The following FAM120B variants were observed in gnomAD, a reference collection of about 807,000 sequenced individuals.
FAM120B encodes family with sequence similarity 120 member B.
FAM120B carries 83 observed loss-of-function variants against 96.3 expected under a neutral mutation model. The observed-to-expected ratio is 0.86, with a 90% CI of 0.72 to 1.03. The LOEUF (loss-of-function observed/expected upper bound fraction) is 1.03, where lower values mean the gene tolerates loss of function less well. FAM120B is among the 50% of genes least tolerant of loss of function. The pLI, the probability that FAM120B is intolerant of heterozygous loss-of-function variation, is 0.00. For missense variants in FAM120B, 1,027 were observed against 1,121.2 expected (o/e 0.92, Z 1.20); for synonymous variants, 407 against 402.7 (o/e 1.01, Z -0.13).
intron 3 of FAM120B, among the ~76,000 whole-genome samples, chr6:170,328,471 AT>A (rs1476966265): frequency 6.6e-6 from 1 of 151,910 alleles, no homozygotes; most frequent in African/African-American, 2.4e-5. Context: ...GTCGTTCTGT[AT>A]TTTCTCCTGG....
At chr6:170,398,618 C>CTATGTCATAACTCTTA (rs1304537771) in intron 9 of FAM120B, among the ~76,000 whole-genome samples, 3 of 33,020 alleles carry the variant, frequency 9.1e-5, no homozygotes, top group African/African-American at 3.3e-4. Flanking sequence ...CTTAACTCTT[C>CTATGTCATAACTCTTA]GGAGTGAGTG....
upstream of FAM120B, among the ~76,000 whole-genome samples, chr6:170,302,961 G>C (rs1407849781): frequency 6.6e-6 from 1 of 152,182 alleles, no homozygotes; most frequent in African/African-American, 2.4e-5. Context: ...GTAGTGTACT[G>C]TAGTCATAAC....
chr6:170,393,549 G>A (rs1252299989), intron 8 of FAM120B, among the ~76,000 whole-genome samples: 2 of 152,150 alleles, frequency 1.3e-5, no homozygotes, highest in Non-Finnish European at 2.9e-5. Flanking sequence ...TTCCATTAAT[G>A]AGGCGAACTA....
At chr6:170,401,622 A>G (rs1222505162) in intron 9 of FAM120B, among the ~76,000 whole-genome samples, 2 of 152,200 alleles carry the variant, frequency 1.3e-5, no homozygotes, top group Non-Finnish European at 2.9e-5. Context: ...TGCCTGTAAT[A>G]GTATAAGCTA....
intron 2 of FAM120B, among the ~76,000 whole-genome samples, chr6:170,320,682 T>C (rs998740231): frequency 1.3e-5 from 2 of 152,230 alleles, no homozygotes; most frequent in Non-Finnish European, 2.9e-5. Context: ...TAGTGAAATA[T>C]GGACCTAAAG....
At chr6:170,366,598 G>A (rs1788816864) in intron 6 of FAM120B, among the ~76,000 whole-genome samples, 1 of 152,172 alleles carries the variant, frequency 6.6e-6, no homozygotes, top group African/African-American at 2.4e-5. Context: ...GGAGGTGAGG[G>A]GTGGAGTGGA....
At chr6:170,398,077 G>A (rs1483789063) in intron 9 of FAM120B, among the ~76,000 whole-genome samples, 1 of 152,248 alleles carries the variant, frequency 6.6e-6, no homozygotes, top group Non-Finnish European at 1.5e-5. Flanking sequence ...ATGGGAAAGA[G>A]GCTACGGGTT....
At chr6:170,306,528 G>A (rs1297860858), upstream of FAM120B, 1 of 152,268 alleles carries the variant, frequency 6.6e-6, no homozygotes, top group African/African-American at 2.4e-5. Context: ...GCAGCTACCT[G>A]ACTGCGCGAC....
At chr6:170,400,858 C>T (rs879441959) in intron 9 of FAM120B, among the ~76,000 whole-genome samples, 5 of 152,168 alleles carry the variant, frequency 3.3e-5, no homozygotes, top group Non-Finnish European at 5.9e-5. Flanking sequence ...GAGCCATCTG[C>T]TTCTCCCAGG....
chr6:170,328,467 C>T (rs994221026), intron 3 of FAM120B, among the ~76,000 whole-genome samples: 5 of 152,116 alleles, frequency 3.3e-5, no homozygotes, highest in Admixed American at 6.6e-5. Flanking sequence ...TTAGGTCGTT[C>T]TGTATTTTCT....
At position 170,323,124 on chromosome 6, in the gene FAM120B, A is replaced by G. The variant is rs1362836813; in HGVS notation, c.1780A>G (p.Asn594Asp). Residue 594 changes from asparagine (N) to aspartate (D), a missense_variant, in exon 3 of 11, where the codon AAC becomes GAC. Around this residue, in one of 3 missense-constraint regions of FAM120B, gnomAD observed 880 missense variants for 980.9 expected, o/e 0.90. Transcript: ENST00000476287. ...CCAAGCAGAAAGCTACCTGGTGTAC[A>G]ACATCATGAGCAGTGGAGAGATTGA... ...HVQAESYLVYNIMSSGEIECS... is the reference protein window; with the variant it reads ...HVQAESYLVYDIMSSGEIECS... 6.2e-7 allele frequency: 1 copy of G among 1,614,058 alleles called. No individual in the cohort carries two copies. The highest frequency in any genetic ancestry group is 1.6e-4 in the Middle Eastern group (1 of 6,062).
intron 5 of FAM120B, among the ~76,000 whole-genome samples, chr6:170,349,465 A>C (rs1295884310): frequency 6.6e-6 from 1 of 152,196 alleles, no homozygotes; most frequent in African/African-American, 2.4e-5. Flanking sequence ...TTTCTTTCTA[A>C]ATGTCCTCTT....
At chr6:170,388,239 T>C in intron 6 of FAM120B, 48 bp from the exon 7 acceptor site, 2 of 1,531,532 alleles carry the variant, frequency 1.3e-6, no homozygotes, top group East Asian at 2.3e-5. Context: ...GTTTCCTGCA[T>C]GTGTGACTCC....
intron 4 of FAM120B, among the ~76,000 whole-genome samples, chr6:170,337,037 C>T (rs1425907844): frequency 6.6e-6 from 1 of 152,100 alleles, no homozygotes; most frequent in Non-Finnish European, 1.5e-5. Context: ...CTTTTTCTTG[C>T]CTGATTGCCC....
At chr6:170,330,698 C>A (rs74954734) in intron 4 of FAM120B, 148 bp downstream of exon 4, 43,996 of 650,536 alleles carry the variant, frequency 0.068, 7,603 homozygotes, top group East Asian at 0.59. Flanking sequence ...TTAATGTATC[C>A]ATCTAACAAA....
Position 170,378,503 on chromosome 6 carries a change from T to TA in FAM120B, c.2284-9777dup, listed in dbSNP as rs147369772. 3.5e-3 allele frequency among the ~76,000 whole-genome samples: 535 copies of TA among 152,266 alleles called. 5 individuals are homozygous for TA. The highest frequency in any genetic ancestry group is 0.012 in the African/African-American group (512 of 41,536). On this transcript the variant is annotated intron_variant, in intron 6 of 10. Transcript: ENST00000476287. ...AGTTCATTCCGTTTGTTGAAAACAG[T>TA]AAAAAAATACGTTGAGCGCCTATTC...
chr6:170,350,505 G>T (rs995009902), intron 5 of FAM120B, among the ~76,000 whole-genome samples: 7 of 152,176 alleles, frequency 4.6e-5, no homozygotes, highest in Non-Finnish European at 8.8e-5. Context: ...TCCCAGTAGG[G>T]GTCTCCAGCC....
At chr6:170,381,916 A>G (rs748527185) in intron 6 of FAM120B, among the ~76,000 whole-genome samples, 8 of 152,170 alleles carry the variant, frequency 5.3e-5, no homozygotes, top group Non-Finnish European at 1.0e-4. Context: ...ATAGTAAAAG[A>G]CTAATTGCTT....
chr6:170,400,126 C>G (rs561558985), intron 9 of FAM120B, among the ~76,000 whole-genome samples: 1 of 149,484 alleles, frequency 6.7e-6, no homozygotes, highest in Non-Finnish European at 1.5e-5. Context: ...TATGTCATAA[C>G]CCTTAGGAGT....
Sources: allele counts gnomAD v4.1 joint callset (sites outside exome capture counted in the v4.1 genomes callset), GRCh38; gene constraint gnomAD v4.1.1; regional missense constraint gnomAD v4.1.1; transcripts MANE v1.5; gene names NCBI Gene and HGNC (gene_info 2026-07-23, HGNC 2026-07-21).